The following C9 variants were observed in gnomAD, a reference collection of about 807,000 sequenced individuals.
C9 encodes complement component C9.
C9 carries 63 observed loss-of-function variants against 65.4 expected under a neutral mutation model. The ratio of observed to expected loss-of-function variants is 0.96; its 90% CI spans 0.79 to 1.19. The LOEUF is 1.19. Among genes scored for constraint, C9 ranks in the 50% most tolerant of loss-of-function variants. The pLI, the probability that C9 is intolerant of heterozygous loss-of-function variation, is 0.00. For missense variants in C9, 744 were observed against 670.1 expected (o/e 1.11, Z -1.22); for synonymous variants, 229 against 227.9 (o/e 1.00, Z -0.04).
intron 5 of C9, among the ~76,000 whole-genome samples, chr5:39,321,180 T>G (rs1258816145): frequency 2.0e-5 from 3 of 152,054 alleles, no homozygotes; most frequent in Non-Finnish European, 4.4e-5. Flanking sequence ...ATCTGTAGTA[T>G]GAAAATTAAA....
chr5:39,359,574 AAT>A (rs1754478700), intron 1 of C9, among the ~76,000 whole-genome samples: 1 of 152,060 alleles, frequency 6.6e-6, no homozygotes, highest in African/African-American at 2.4e-5. Context: ...TTTAAGTTAA[AAT>A]ATGTTTGTAT....
chr5:39,286,041 T>C (rs1038618257), intron 10 of C9, among the ~76,000 whole-genome samples: 3 of 152,048 alleles, frequency 2.0e-5, no homozygotes, highest in African/African-American at 7.2e-5. Context: ...CCATCCTGGG[T>C]CAGGTTTGAA....
chr5:39,335,316 A>G (rs1753942462), intron 4 of C9, among the ~76,000 whole-genome samples: 1 of 152,206 alleles, frequency 6.6e-6, no homozygotes, highest in African/African-American at 2.4e-5. Flanking sequence ...GTTTATATTC[A>G]CTCTCTGCTT....
At chr5:39,311,472 T>C in intron 6 of C9, 95 bp from the exon 7 acceptor site, 1 of 1,252,318 alleles carries the variant, frequency 8.0e-7, no homozygotes, top group Non-Finnish European at 1.2e-6. Flanking sequence ...AGGCACTAAA[T>C]GTTTTAGCAG....
Position 39,284,818 on chromosome 5 carries a change from G to A in C9, c.*381C>T, listed in dbSNP as rs1464532458. The stretch of plus-strand genomic sequence containing the variant: ...GAGTTAAATTGCATGGTACAGACGT[G>A]TGGTCATGGACCTGGCAGAATATGT... On this transcript the variant is annotated 3_prime_UTR_variant, in exon 11 of 11. Coordinates refer to ENST00000263408, the MANE Select transcript of C9 (RefSeq NM_001737.5). The A allele has an allele frequency of 1.1e-5, 3 of 262,598 alleles. No homozygotes were observed. The highest frequency in any genetic ancestry group is 2.2e-5 in the Non-Finnish European group (3 of 135,654). The allele number at this position is 262,598 out of a possible 1,614,324, so 16.3% of individuals were successfully genotyped here. A position where few individuals can be genotyped will look rare whatever the true frequency, so the allele number is the denominator to read the frequency against.
At chr5:39,320,572 C>T (rs1035904060) in intron 5 of C9, among the ~76,000 whole-genome samples, 2 of 151,838 alleles carry the variant, frequency 1.3e-5, no homozygotes, top group African/African-American at 2.4e-5. Flanking sequence ...TATGGTGCCC[C>T]AGAAGGAAGA....
chr5:39,355,941 T>A (rs934720769), intron 1 of C9, among the ~76,000 whole-genome samples: 1 of 152,154 alleles, frequency 6.6e-6, no homozygotes, highest in Non-Finnish European at 1.5e-5. Context: ...TTTAACTTAA[T>A]TACCTTTTTA....
At chr5:39,342,652 C>G (rs182938718) in intron 1 of C9, among the ~76,000 whole-genome samples, 4 of 152,122 alleles carry the variant, frequency 2.6e-5, no homozygotes, top group Admixed American at 6.6e-5. Context: ...TTTAAGCCAG[C>G]CAGCCCAGGC....
intron 5 of C9, among the ~76,000 whole-genome samples, chr5:39,330,290 A>G (rs762271446): frequency 6.6e-6 from 1 of 152,210 alleles, no homozygotes; most frequent in Non-Finnish European, 1.5e-5. Context: ...CTAAAATACC[A>G]AACATTCTGA....
chr5:39,308,413 T>C, intron 7 of C9, 55 bp from the exon 8 acceptor site: 1 of 1,402,398 alleles, frequency 7.1e-7, no homozygotes, highest in East Asian at 2.3e-5. Context: ...ACATCACAAA[T>C]AAATTCCAAT....
At chr5:39,331,309 G>A (rs1433810124) in intron 5 of C9, among the ~76,000 whole-genome samples, 4 of 152,216 alleles carry the variant, frequency 2.6e-5, no homozygotes, top group South Asian at 4.1e-4. Flanking sequence ...GAAAACCAAC[G>A]CAAAGATGAG....
intron 1 of C9, among the ~76,000 whole-genome samples, chr5:39,359,012 T>TAA (rs1182613709): frequency 3.6e-4 from 10 of 28,130 alleles, no homozygotes; most frequent in East Asian, 2.1e-3. Flanking sequence ...AATAAATAAA[T>TAA]AAAAAATATA....
chr5:39,299,283 T>C (rs1336700230), intron 9 of C9, among the ~76,000 whole-genome samples: 2 of 152,174 alleles, frequency 1.3e-5, no homozygotes, highest in South Asian at 2.1e-4. Context: ...TTATGTAATT[T>C]TGTATAAACA....
rs147068084 is a variant in C9, at chr5:39,311,274, G to A, written c.974C>T (p.Ala325Val). ...TCCCTTTTCATAGGTAGTTGGCAAA[G>A]CTTTTATATCATCCACAAAAGTTGT... ...LTTTFVDDIK[A>V]LPTTYEKGEY... Residue 325 changes from alanine to valine, a missense_variant, in exon 7 of 11, where the codon GCT becomes GTT. Ala to Val is a moderately conservative substitution (Grantham distance 64, BLOSUM62 0). Transcript: ENST00000263408. The A allele has an allele frequency of 1.7e-4, 269 of 1,613,734 alleles. No individual in the cohort carries two copies. The African/African-American group carries it at 3.4e-3, about 21-fold the overall frequency.
chr5:39,336,186 G>A (rs1231305956), intron 4 of C9, among the ~76,000 whole-genome samples: 3 of 151,968 alleles, frequency 2.0e-5, no homozygotes, highest in African/African-American at 7.2e-5. Flanking sequence ...AAATTTTTTA[G>A]TTATTTTTAT....
Position 39,323,628 on chromosome 5 carries a change from A to G in C9, c.616-7599T>C, listed in dbSNP as rs376310582. 6.6e-5 allele frequency among the ~76,000 whole-genome samples: 10 copies of G among 151,904 alleles called. No homozygotes were observed. In the East Asian group the frequency reaches 1.7e-3, roughly 26 times the overall value. On this transcript the variant is annotated intron_variant, in intron 5 of 10. Coordinates refer to ENST00000263408, the MANE Select transcript of C9 (RefSeq NM_001737.5). ...CAATAAAATTCAACGTCATTTAAAGATTAGAAAAACTCTCAACAAATTAGG... is the reference window on the plus strand; with the variant it reads ...CAATAAAATTCAACGTCATTTAAAGGTTAGAAAAACTCTCAACAAATTAGG...
At chr5:39,330,165 A>AT (rs144703486) in intron 5 of C9, among the ~76,000 whole-genome samples, 4,560 of 152,234 alleles carry the variant, frequency 0.03, 212 homozygotes, top group African/African-American at 0.1. Flanking sequence ...TATAGTCTTC[A>AT]TTTTTCCCAC....
chr5:39,306,900 G>T, intron 8 of C9, 108 bp from the exon 9 acceptor site: 1 of 713,228 alleles, frequency 1.4e-6, no homozygotes. Flanking sequence ...GTAAAATACA[G>T]CCTAATGTAT....
At chr5:39,292,915 A>G (rs887479464) in intron 9 of C9, among the ~76,000 whole-genome samples, 1 of 133,222 alleles carries the variant, frequency 7.5e-6, no homozygotes, top group Non-Finnish European at 1.7e-5. Flanking sequence ...TCAATACTGG[A>G]AATAAAATGG....
Sources: allele counts gnomAD v4.1 joint callset (sites outside exome capture counted in the v4.1 genomes callset), GRCh38; gene constraint gnomAD v4.1.1; transcripts MANE v1.5; gene names NCBI Gene and HGNC (gene_info 2026-07-23, HGNC 2026-07-21).